ALK: variants seen among roughly 807,000 people sequenced by gnomAD.
ALK encodes ALK tyrosine kinase receptor.
In ALK, 74 loss-of-function variants were observed where a neutral mutation model predicts 163.1. The ratio of observed to expected loss-of-function variants is 0.45; its 90% CI spans 0.38 to 0.55. The LOEUF is 0.55. Among genes scored for constraint, ALK ranks in the 20% least tolerant of loss-of-function variants. The pLI is 0.00. For missense variants in ALK, 2,063 were observed against 2,105.3 expected, an observed-to-expected ratio of 0.98 and a Z score of 0.39; for synonymous variants, 960 against 843.2, an observed-to-expected ratio of 1.14 and a Z score of -2.40.
chr2:29,473,621 T>C (rs4666219), intron 4 of ALK, among the ~76,000 whole-genome samples: 76,296 of 151,824 alleles, frequency 0.5, 20,236 homozygotes, highest in South Asian at 0.62. Context: ...AATAAGCATA[T>C]GAAAGGTGTT....
intron 1 of ALK, among the ~76,000 whole-genome samples, chr2:29,883,853 T>C (rs1666925572): frequency 6.6e-6 from 1 of 152,158 alleles, no homozygotes; most frequent in Non-Finnish European, 1.5e-5. Flanking sequence ...GTACATAGCC[T>C]GGAAATATCA....
chr2:29,538,290 G>A (rs1338918611), intron 3 of ALK, among the ~76,000 whole-genome samples: 1 of 152,114 alleles, frequency 6.6e-6, no homozygotes, highest in Non-Finnish European at 1.5e-5. Context: ...TCTGGTGGGA[G>A]GTGATTGGAT....
At chr2:29,612,254 A>C (rs1207254913) in intron 3 of ALK, among the ~76,000 whole-genome samples, 1 of 152,172 alleles carries the variant, frequency 6.6e-6, no homozygotes, top group Non-Finnish European at 1.5e-5. Flanking sequence ...AAAATGAAAA[A>C]GTTTAAAAAA....
intron 1 of ALK, among the ~76,000 whole-genome samples, chr2:29,793,009 T>G (rs1471136526): frequency 4.1e-5 from 5 of 120,730 alleles, no homozygotes; most frequent in African/African-American, 1.3e-4. Flanking sequence ...CTCTGTAGCA[T>G]ATGATGCTGT....
At chr2:29,900,685 A>G (rs1463626296) in intron 1 of ALK, among the ~76,000 whole-genome samples, 1 of 152,220 alleles carries the variant, frequency 6.6e-6, no homozygotes, top group Non-Finnish European at 1.5e-5. Context: ...TGGGCTTCAC[A>G]GAAAGGCAAT....
intron 1 of ALK, among the ~76,000 whole-genome samples, chr2:29,808,546 G>C (rs1230983945): frequency 6.6e-6 from 1 of 152,164 alleles, no homozygotes; most frequent in African/African-American, 2.4e-5. Flanking sequence ...CTGGGAGATA[G>C]AGTGAGCTGA....
intron 9 of ALK, chr2:29,286,616 G>A (rs931391853): frequency 1.3e-5 from 2 of 150,964 alleles, no homozygotes; most frequent in African/African-American, 2.4e-5. Context: ...CTTTTCAAAA[G>A]CACTTTCTCT....
chr2:29,414,084 G>T (rs1235155681), intron 4 of ALK, among the ~76,000 whole-genome samples: 3 of 152,326 alleles, frequency 2.0e-5, no homozygotes, highest in East Asian at 3.9e-4. Context: ...CATGAGCAAT[G>T]CATTGTGTTA....
At chr2:29,413,994 A>G in intron 4 of ALK, among the ~76,000 whole-genome samples, 1 of 152,236 alleles carries the variant, frequency 6.6e-6, no homozygotes, top group South Asian at 2.1e-4. Flanking sequence ...AGTACTATGT[A>G]CTGAACATAA....
At chr2:29,682,552 G>A (rs893219316) in intron 3 of ALK, among the ~76,000 whole-genome samples, 4 of 152,114 alleles carry the variant, frequency 2.6e-5, no homozygotes, top group South Asian at 2.1e-4. Context: ...GTATCAATGT[G>A]TTGTCTTAAT....
chr2:29,823,507 G>C (rs1665108516), intron 1 of ALK, among the ~76,000 whole-genome samples: 1 of 152,188 alleles, frequency 6.6e-6, no homozygotes, highest in African/African-American at 2.4e-5. Flanking sequence ...CCAAAATGCT[G>C]ATAATGATAT....
chr2:29,679,022 A>C (rs190009318), intron 3 of ALK, among the ~76,000 whole-genome samples: 1 of 151,964 alleles, frequency 6.6e-6, no homozygotes, highest in Admixed American at 6.6e-5. Context: ...CAGTTCTAAC[A>C]GTTTTGCTTC....
At chr2:29,906,841 T>C (rs1302514604) in intron 1 of ALK, among the ~76,000 whole-genome samples, 3 of 151,924 alleles carry the variant, frequency 2.0e-5, no homozygotes, top group Non-Finnish European at 4.4e-5. Context: ...TTGACCACTA[T>C]TAAATATTTT....
At chr2:29,730,227 T>C (rs1183166110) in intron 1 of ALK, among the ~76,000 whole-genome samples, 1 of 152,046 alleles carries the variant, frequency 6.6e-6, no homozygotes, top group African/African-American at 2.4e-5. Flanking sequence ...GAGTGCAGGA[T>C]AGACCAGGAG....
intron 4 of ALK, among the ~76,000 whole-genome samples, chr2:29,466,512 C>A (rs1467083566): frequency 2.0e-5 from 3 of 152,144 alleles, no homozygotes; most frequent in Non-Finnish European, 4.4e-5. Flanking sequence ...TTTAATCAAT[C>A]AATATTTATG....
intron 1 of ALK, among the ~76,000 whole-genome samples, chr2:29,821,895 G>A (rs1055511428): frequency 6.6e-6 from 1 of 152,142 alleles, no homozygotes; most frequent in Non-Finnish European, 1.5e-5. Context: ...GGGATTCAGG[G>A]GTTGAAGGGC....
chr2:29,606,290 G>C (rs1667609754), intron 3 of ALK, among the ~76,000 whole-genome samples: 2 of 152,210 alleles, frequency 1.3e-5, no homozygotes, highest in Non-Finnish European at 1.5e-5. Flanking sequence ...ATGATTCAGA[G>C]TTATTTTCAG....
chr2:29,845,794 T>C (rs562592218), intron 1 of ALK, among the ~76,000 whole-genome samples: 1 of 152,270 alleles, frequency 6.6e-6, no homozygotes, highest in African/African-American at 2.4e-5. Context: ...TTTGGAAGAC[T>C]CCCAGAAACC....
chr2:29,809,256 A>G (rs1189082949), intron 1 of ALK, among the ~76,000 whole-genome samples: 1 of 152,236 alleles, frequency 6.6e-6, no homozygotes, highest in Non-Finnish European at 1.5e-5. Context: ...TATGTGCCAC[A>G]TGTTGTACTT....
Sources: gnomAD v4.1 joint callset for allele counts (sites outside exome capture counted in the v4.1 genomes callset) on GRCh38, gnomAD v4.1.1 for gene constraint, MANE v1.5 for transcripts, NCBI Gene and HGNC (gene_info 2026-07-23, HGNC 2026-07-21) for gene names.